Variants in WWP2 observed in about 807,000 individuals in gnomAD.
WWP2 encodes WW domain containing E3 ubiquitin protein ligase 2.
In WWP2, 57 loss-of-function variants were observed where a neutral mutation model predicts 121.0. That is an observed-to-expected ratio of 0.47 (90% CI 0.38 to 0.59). WWP2 has a LOEUF of 0.59. WWP2 is among the 20% of genes least tolerant of loss of function. The pLI is 0.00. For synonymous variants in WWP2, 449 were observed against 441.3 expected, an observed-to-expected ratio of 1.02 and a Z score of -0.22; for missense variants, 962 against 1,158.9, an observed-to-expected ratio of 0.83 and a Z score of 2.47.
chr16:69,796,643 G>T (rs1350263123), intron 2 of WWP2, among the ~76,000 whole-genome samples: 6 of 152,196 alleles, frequency 3.9e-5, no homozygotes, highest in Non-Finnish European at 8.8e-5. Context: ...TGCACCATTT[G>T]TAGTCCCTAT....
At chr16:69,771,414 T>G (rs893160922) in intron 1 of WWP2, among the ~76,000 whole-genome samples, 4 of 152,062 alleles carry the variant, frequency 2.6e-5, no homozygotes, top group Non-Finnish European at 5.9e-5. Context: ...GCCCGGCTAA[T>G]TTTTGTATTT....
At chr16:69,780,528 C>A (rs985482547) in intron 1 of WWP2, among the ~76,000 whole-genome samples, 2 of 152,182 alleles carry the variant, frequency 1.3e-5, no homozygotes, top group African/African-American at 4.8e-5. Context: ...CAAAATTACG[C>A]GTCTTTAACT....
chr16:69,766,620 GT>G (rs1341763716), intron 1 of WWP2, among the ~76,000 whole-genome samples: 19 of 152,168 alleles, frequency 1.2e-4, no homozygotes, highest in African/African-American at 4.6e-4. Flanking sequence ...CCTGCCAGTG[GT>G]ACTCCTTATT....
At chr16:69,914,651 G>T (rs375052919) in intron 9 of WWP2, among the ~76,000 whole-genome samples, 1 of 152,102 alleles carries the variant, frequency 6.6e-6, no homozygotes, top group Non-Finnish European at 1.5e-5. Context: ...TAGCTACTTG[G>T]GAGGCTGAGG....
intron 7 of WWP2, among the ~76,000 whole-genome samples, chr16:69,876,416 A>G (rs2057737570): frequency 6.6e-6 from 1 of 151,312 alleles, no homozygotes. Flanking sequence ...CTAGGCTGGA[A>G]TGCCGTGGCA....
intron 1 of WWP2, among the ~76,000 whole-genome samples, chr16:69,784,068 CTT>C (rs1194177339): frequency 3.0e-5 from 4 of 132,942 alleles, no homozygotes; most frequent in Admixed American, 7.5e-5. Context: ...GGTTAAAACT[CTT>C]TTCTTTTTCT....
Position 69,916,627 on chromosome 16 carries a change from T to C in WWP2, c.1005-1082T>C, listed in dbSNP as rs117016888. Among the ~76,000 whole-genome samples the C allele has an allele frequency of 4.3e-3, 662 of 152,214 alleles. 2 individuals are homozygous for C. The highest frequency in any genetic ancestry group is 0.02 in the Middle Eastern group (6 of 294). On this transcript the variant is annotated intron_variant, in intron 9 of 23. Coordinates refer to ENST00000359154, the MANE Select transcript of WWP2 (RefSeq NM_001270454.2). The stretch of plus-strand genomic sequence containing the variant: ...AAAAAGCAGCAGTCAGGCTGAATGA[T>C]TGATAGCAGCGGGAATGATGTTGGC...
intron 4 of WWP2, among the ~76,000 whole-genome samples, chr16:69,805,632 A>G (rs1288581605): frequency 1.3e-5 from 2 of 151,508 alleles, no homozygotes; most frequent in Admixed American, 6.6e-5. Context: ...TTTTTTTGAG[A>G]CAGGATCTTG....
chr16:69,912,425 C>T (rs996089143), intron 9 of WWP2, among the ~76,000 whole-genome samples: 3 of 151,402 alleles, frequency 2.0e-5, no homozygotes, highest in African/African-American at 4.9e-5. Flanking sequence ...TCATGACTGC[C>T]TCTGACATTG....
chr16:69,774,543 C>G (rs2055483956), intron 1 of WWP2, among the ~76,000 whole-genome samples: 1 of 152,192 alleles, frequency 6.6e-6, no homozygotes, highest in African/African-American at 2.4e-5. Flanking sequence ...ATGCATGAGC[C>G]ACCACTGCTG....
At chr16:69,924,154 G>A (rs1038468816) in intron 10 of WWP2, among the ~76,000 whole-genome samples, 5 of 152,196 alleles carry the variant, frequency 3.3e-5, no homozygotes, top group African/African-American at 9.7e-5. Flanking sequence ...ATCTTTGTTG[G>A]AACTTGCTTG....
At chr16:69,798,041 C>T (rs1024291574) in intron 2 of WWP2, among the ~76,000 whole-genome samples, 13 of 152,306 alleles carry the variant, frequency 8.5e-5, no homozygotes, top group Non-Finnish European at 1.9e-4. Context: ...TTACACCATG[C>T]GTTTTTAACC....
chr16:69,938,910 C>A (rs1364406628), intron 21 of WWP2, 117 bp from the exon 22 acceptor site: 5 of 869,888 alleles, frequency 5.7e-6, no homozygotes, highest in Non-Finnish European at 9.2e-6. Context: ...CCTGGCCAAC[C>A]TGGCTTTGTG....
At chr16:69,774,785 CT>C (rs1334483009) in intron 1 of WWP2, 2 of 152,016 alleles carry the variant, frequency 1.3e-5, no homozygotes, top group Admixed American at 6.6e-5. Context: ...GTCTGGACAA[CT>C]TGGTAAAATC....
intron 7 of WWP2, among the ~76,000 whole-genome samples, chr16:69,874,770 G>A (rs955935823): frequency 5.9e-5 from 9 of 152,150 alleles, no homozygotes; most frequent in African/African-American, 2.2e-4. Flanking sequence ...ACATCAGTCA[G>A]AAGTTGCATC....
intron 1 of WWP2, among the ~76,000 whole-genome samples, chr16:69,770,609 A>G: frequency 6.6e-6 from 1 of 152,212 alleles, no homozygotes; most frequent in Non-Finnish European, 1.5e-5. Context: ...TATCAATCCT[A>G]AGAACCTCGA....
chr16:69,783,268 C>G (rs1011244032), intron 1 of WWP2: 1 of 152,224 alleles, frequency 6.6e-6, no homozygotes, highest in Non-Finnish European at 1.5e-5. Context: ...CGTTGGCCTC[C>G]CAAAGTGCTG....
At position 69,937,542 on chromosome 16, in the gene WWP2, C is replaced by T. The variant is rs1382865503; in HGVS notation, c.2239-6C>T. On this transcript the variant is annotated splice_region_variant and splice_polypyrimidine_tract_variant and intron_variant, in intron 20 of 23. Transcript: ENST00000359154. The surrounding 1 kb of genome is among the most constrained non-coding windows in gnomAD (Gnocchi z 6.6). The stretch of plus-strand genomic sequence containing the variant: ...GCCGGGGATGCTGACTGCCGCCTCT[C>T]CCCAGCTGATGCTGTGCGGCATGCA... 1.9e-6 allele frequency: 3 copies of T among 1,613,764 alleles called. No homozygotes were observed. The highest frequency in any genetic ancestry group is 2.7e-5 in the African/African-American group (2 of 74,894).
At chr16:69,806,708 T>C (rs2056282349) in intron 4 of WWP2, among the ~76,000 whole-genome samples, 4 of 152,206 alleles carry the variant, frequency 2.6e-5, no homozygotes, top group Admixed American at 2.6e-4. Context: ...GTTTTAAATA[T>C]CATTCTCAGT....
Sources: allele counts gnomAD v4.1 joint callset (sites outside exome capture counted in the v4.1 genomes callset), GRCh38; gene constraint gnomAD v4.1.1; non-coding constraint Gnocchi (gnomAD v3.1); transcripts MANE v1.5; gene names NCBI Gene and HGNC (gene_info 2026-07-23, HGNC 2026-07-21).